The following CDIPT variants were observed in gnomAD, a reference collection of about 807,000 sequenced individuals.
CDIPT encodes CDP-diacylglycerol--inositol 3-phosphatidyltransferase, also known as PI synthase.
Under a neutral mutation model 21.6 loss-of-function variants are expected in CDIPT, and 17 were observed. The ratio of observed to expected loss-of-function variants is 0.79; its 90% CI spans 0.54 to 1.18. The LOEUF (loss-of-function observed/expected upper bound fraction) is 1.18. Among genes scored for constraint, CDIPT ranks in the 50% most tolerant of loss-of-function variants. The probability of loss-of-function intolerance (pLI) is 0.00; values close to 1 mark genes in which losing one functional copy is unlikely to be tolerated. For synonymous variants in CDIPT, 119 were observed against 117.9 expected, an observed-to-expected ratio of 1.01 and a Z score of -0.06; for missense variants, 254 against 284.9, an observed-to-expected ratio of 0.89 and a Z score of 0.78.
chr16:29,863,095 C>A lies in CDIPT; in HGVS notation c.-238G>T. ...TCCGCCCTTCCTACCCGCAACCTCCCTCGCCTCTGCCAGCCCCGCAGGCGC... is the reference window on the plus strand; with the variant it reads ...TCCGCCCTTCCTACCCGCAACCTCCATCGCCTCTGCCAGCCCCGCAGGCGC... On this transcript the variant is annotated 5_prime_UTR_variant, in exon 1 of 6. The change creates a new upstream start codon in the 5' untranslated region. Coordinates refer to ENST00000219789, the MANE Select transcript of CDIPT (RefSeq NM_006319.5). 1.8e-6 allele frequency: 1 copy of A among 542,502 alleles called. No individual in the cohort carries two copies. The highest frequency in any genetic ancestry group is 3.2e-6 in the Non-Finnish European group (1 of 309,314). The allele number at this position is 542,502 out of a possible 1,614,324, so 33.6% of individuals were successfully genotyped here. A position where few individuals can be genotyped will look rare whatever the true frequency, so the allele number is the denominator to read the frequency against.
At position 29,859,092 on chromosome 16, in the gene CDIPT, A is replaced by T; in HGVS notation, c.*97T>A. On this transcript the variant is annotated 3_prime_UTR_variant, in exon 6 of 6. Coordinates refer to ENST00000219789, the MANE Select transcript of CDIPT (RefSeq NM_006319.5). This position sits in a 1 kb window ranked among gnomAD's most constrained non-coding sequence, Gnocchi z 4.5. ...CAGCAGGTAGAACAACACATGAGGAAGGCGTGAGACTGGGACCTCCTAGCA... is the reference window on the plus strand; with the variant it reads ...CAGCAGGTAGAACAACACATGAGGATGGCGTGAGACTGGGACCTCCTAGCA... 7.7e-7 allele frequency: 1 copy of T among 1,295,962 alleles called. No individual in the cohort carries two copies. The highest frequency in any genetic ancestry group is 1.1e-6 in the Non-Finnish European group (1 of 939,996). 80.3% of individuals were successfully genotyped at this position (1,295,962 alleles called of 1,614,324 possible).
In CDIPT at chr16:29,862,990, T is replaced by G; in HGVS notation, c.-133A>C. On this transcript the variant is annotated 5_prime_UTR_variant, in exon 1 of 6. Coordinates refer to ENST00000219789, the MANE Select transcript of CDIPT (RefSeq NM_006319.5). The surrounding 1 kb of genome is among the most constrained non-coding windows in gnomAD (Gnocchi z 6.7). The stretch of plus-strand genomic sequence containing the variant: ...CGCCCTGGACCCCGCCGCCCCAACC[T>G]GGCCCCAGATGCTGAAGCCCGCAGC... 9.8e-7 allele frequency: 1 copy of G among 1,017,644 alleles called. No individual in the cohort carries two copies. The highest frequency in any genetic ancestry group is 1.5e-6 in the Non-Finnish European group (1 of 655,874). 63.0% of individuals were successfully genotyped at this position (1,017,644 alleles called of 1,614,324 possible). A position where few individuals can be genotyped will look rare whatever the true frequency, so the allele number is the denominator to read the frequency against.
At chr16:29,861,590 A>T in intron 2 of CDIPT, 1 of 1,224,536 alleles carries the variant, frequency 8.2e-7, no homozygotes, top group Non-Finnish European at 1.1e-6. Flanking sequence ...TGGAGAACAG[A>T]TTAAAAAATT....
At position 29,859,275 on chromosome 16, in the gene CDIPT, T is replaced by G; in HGVS notation, c.556A>C (p.Lys186Gln). 1.3e-6 allele frequency: 2 copies of G among 1,582,850 alleles called. No individual in the cohort carries two copies. The highest frequency in any genetic ancestry group is 1.7e-6 in the Non-Finnish European group (2 of 1,164,738). Residue 186 changes from lysine to glutamine, a missense_variant, in exon 6 of 6, where the codon AAG (lysine) becomes CAG (glutamine). By Grantham distance (53) the Lys-to-Gln change is moderately conservative. Transcript: ENST00000219789. This position sits in a 1 kb window ranked among gnomAD's most constrained non-coding sequence, Gnocchi z 4.5. ...AGGTGGATGACGCTGATGAGCGACT[T>G]CAGCAAGGCGATGGGGGCAGTGACC... ...LWVTAPIALLKSLISVIHLIT... is the reference protein window; with the variant it reads ...LWVTAPIALLQSLISVIHLIT...
chr16:29,862,464 T>A lies in CDIPT; in HGVS notation c.178+122A>T, dbSNP rs918523678. ...ACACAAAACAAAAAGCCCCAGGCCA[T>A]CCTGTTCTGCTTTTTCCAGAGATGG... is the stretch of plus-strand genomic sequence containing the variant. On this transcript the variant is annotated intron_variant, in intron 2 of 5. Coordinates refer to ENST00000219789, the MANE Select transcript of CDIPT (RefSeq NM_006319.5). This position sits in a 1 kb window ranked among gnomAD's most constrained non-coding sequence, Gnocchi z 6.7. 4 of 1,039,614 alleles carry A rather than the reference T, an allele frequency of 3.8e-6. No individual in the cohort carries two copies. The East Asian group carries it at 1.0e-4, about 27-fold the overall frequency. 64.4% of individuals were successfully genotyped at this position (1,039,614 alleles called of 1,614,324 possible). A position where few individuals can be genotyped will look rare whatever the true frequency, so the allele number is the denominator to read the frequency against.
In CDIPT at chr16:29,859,228, C is replaced by T. The variant is rs1291929357; in HGVS notation, c.603G>A (p.Met201Ile). Residue 201 changes from methionine to isoleucine, a missense_variant, in exon 6 of 6, where the codon ATG becomes ATA. Met to Ile is a conservative substitution (Grantham distance 10, BLOSUM62 1). Transcript: ENST00000219789. This position sits in a 1 kb window ranked among gnomAD's most constrained non-coding sequence, Gnocchi z 4.5. ...VIHLITAARN[M>I]AALDAADRAK... ...CGCGGTCTGCTGCGTCCAGGGCAGC[C>T]ATGTTGCGGGCGGCCGTGATCAGGT... is the stretch of plus-strand genomic sequence containing the variant. 3 of 1,597,378 alleles carry T rather than the reference C, an allele frequency of 1.9e-6. No individual in the cohort carries two copies. Among genetic ancestry groups the T allele is most frequent in the Non-Finnish European group, 2.6e-6 (3 of 1,172,918 alleles).
Position 29,859,610 on chromosome 16 carries a change from G to C in CDIPT, c.415-87C>G, listed in dbSNP as rs1453928483. The C allele has an allele frequency of 1.2e-6, 1 of 816,040 alleles. No homozygotes were observed. Among genetic ancestry groups the C allele is most frequent in the Non-Finnish European group, 2.1e-6 (1 of 483,108 alleles). The allele number at this position is 816,040 out of a possible 1,614,324, so 50.5% of individuals were successfully genotyped here. On this transcript the variant is annotated intron_variant, in intron 4 of 5. Transcript: ENST00000219789. The surrounding 1 kb of genome is among the most constrained non-coding windows in gnomAD (Gnocchi z 4.5). ...CCAGCACTAATGAAGGCACAATCTC[G>C]GCATATTACTTCTCTTATTTTTTTT...
chr16:29,861,836 C>A (rs1041250396), intron 2 of CDIPT: 13 of 277,856 alleles, frequency 4.7e-5, no homozygotes, highest in Non-Finnish European at 7.7e-5. Flanking sequence ...CGGGTTCAAG[C>A]AATTCTCCTG....
rs776673715 is a variant in CDIPT at position 29,862,645 on chromosome 16, T to C, written c.119A>G (p.Tyr40Cys). The change falls in exon 2 of 6, where the codon TAC becomes TGC. Residue 40 changes from tyrosine to cysteine, a missense_variant. Coordinates refer to ENST00000219789, the MANE Select transcript of CDIPT (RefSeq NM_006319.5). The surrounding 1 kb of genome is among the most constrained non-coding windows in gnomAD (Gnocchi z 6.7). The stretch of plus-strand genomic sequence containing the variant: ...AGCGTCCAGCAGGCCGCTGAGCAGG[T>C]AGAAGGAGGAGGCCGTGAGGGGGCA... ...PCCPLTASSF[Y>C]LLSGLLDAFD... 8 of 1,610,988 alleles carry C rather than the reference T, an allele frequency of 5.0e-6. No homozygotes were observed. Among genetic ancestry groups the C allele is most frequent in the Admixed American group, 1.7e-5 (1 of 59,232 alleles).
chr16:29,861,610 TC>T, intron 2 of CDIPT: 1 of 991,126 alleles, frequency 1.0e-6, no homozygotes, highest in Non-Finnish European at 1.5e-6. Flanking sequence ...TAGTCAACCC[TC>T]CAGAAGCCAT....
At position 29,862,924 on chromosome 16, in the gene CDIPT, C is replaced by T. The variant is rs1282640325; in HGVS notation, c.-67G>A. 1.0e-5 allele frequency: 16 copies of T among 1,578,514 alleles called. No homozygotes were observed. Among genetic ancestry groups the T allele is most frequent in the Admixed American group, 3.3e-5 (2 of 59,720 alleles). ...CCAGTGCTGTCCCAGCCCCGCAGCG[C>T]GGCCTCAGCCTCCGGCCCGGCGCAT... On this transcript the variant is annotated 5_prime_UTR_variant, in exon 1 of 6. Transcript: ENST00000219789. The surrounding 1 kb of genome is among the most constrained non-coding windows in gnomAD (Gnocchi z 6.7).
intron 2 of CDIPT, chr16:29,861,514 C>A (rs1435074087): frequency 2.6e-6 from 4 of 1,533,840 alleles, no homozygotes; most frequent in African/African-American, 1.4e-5. Flanking sequence ...ACTCATCAAC[C>A]CCAGAACCAA....
Position 29,858,694 on chromosome 16 carries a change from G to C in CDIPT, c.*495C>G, listed in dbSNP as rs1473704023. 1 of 156,740 alleles carries C rather than the reference G, an allele frequency of 6.4e-6. No homozygotes were observed. The highest frequency in any genetic ancestry group is 2.4e-5 in the African/African-American group (1 of 41,472). 9.7% of individuals were successfully genotyped at this position (156,740 alleles called of 1,614,324 possible). Reference sequence around the variant, plus strand: ...CCCAGGCCCTGAGCCAAGAATATCTGAAAGGAAACCAAGTCAAATAGTGAA... The same window carrying C: ...CCCAGGCCCTGAGCCAAGAATATCTCAAAGGAAACCAAGTCAAATAGTGAA... On this transcript the variant is annotated 3_prime_UTR_variant, in exon 6 of 6. Coordinates refer to ENST00000219789, the MANE Select transcript of CDIPT (RefSeq NM_006319.5).
rs1360656185 is a variant in CDIPT, at chr16:29,861,495, A to G, written c.179-236T>C. The G allele has an allele frequency of 2.0e-6, 3 of 1,535,516 alleles. No homozygotes were observed. In the African/African-American group the frequency reaches 4.1e-5, roughly 21 times the overall value. On this transcript the variant is annotated intron_variant, in intron 2 of 5. Coordinates refer to ENST00000219789, the MANE Select transcript of CDIPT (RefSeq NM_006319.5). ...AACAGGGTAGGAGGAGAGGAAAGCT[A>G]TGTCTGCAACTCATCAACCCCAGAA...
At position 29,859,876 on chromosome 16, in the gene CDIPT, G is replaced by A. The variant is rs553176129; in HGVS notation, c.415-353C>T. On this transcript the variant is annotated intron_variant, in intron 4 of 5. Coordinates refer to ENST00000219789, the MANE Select transcript of CDIPT (RefSeq NM_006319.5). This position sits in a 1 kb window ranked among gnomAD's most constrained non-coding sequence, Gnocchi z 4.5. ...AAAAATTAGCCGAGTGTGGTGGCAC[G>A]TGCCGGTAGTCCCAGCCACTCAGGA... Among the ~76,000 whole-genome samples the A allele has an allele frequency of 1.5e-4, 23 of 151,996 alleles. No homozygotes were observed. Among genetic ancestry groups the A allele is most frequent in the Non-Finnish European group, 2.6e-4 (18 of 68,022 alleles).
In CDIPT at chr16:29,863,063, C is replaced by T. The variant is rs1267736694; in HGVS notation, c.-206G>A. Reference sequence around the variant, plus strand: ...CGAGGTGCGCGGGACGCAGGGGGCGCGCGCAGTCCGCCCTTCCTACCCGCA... The same window carrying T: ...CGAGGTGCGCGGGACGCAGGGGGCGTGCGCAGTCCGCCCTTCCTACCCGCA... On this transcript the variant is annotated 5_prime_UTR_variant, in exon 1 of 6. Coordinates refer to ENST00000219789, the MANE Select transcript of CDIPT (RefSeq NM_006319.5). The T allele has an allele frequency of 1.6e-6, 1 of 618,566 alleles. No homozygotes were observed. Among genetic ancestry groups the T allele is most frequent in the Non-Finnish European group, 2.8e-6 (1 of 355,402 alleles). 38.3% of individuals were successfully genotyped at this position (618,566 alleles called of 1,614,324 possible). A position where few individuals can be genotyped will look rare whatever the true frequency, so the allele number is the denominator to read the frequency against.
rs1033642962 is a variant in CDIPT, at chr16:29,862,538, G to A, written c.178+48C>T. The A allele has an allele frequency of 1.9e-6, 3 of 1,545,116 alleles. No homozygotes were observed. Among genetic ancestry groups the A allele is most frequent in the Non-Finnish European group, 2.6e-6 (3 of 1,141,938 alleles). On this transcript the variant is annotated intron_variant, in intron 2 of 5. Transcript: ENST00000219789. The surrounding 1 kb of genome is among the most constrained non-coding windows in gnomAD (Gnocchi z 6.7). ...GGTCCCGAGGAGGCAGGGGAAGGGA[G>A]GAGGGGATTGTTGAACCCCAAGGCT... is the stretch of plus-strand genomic sequence containing the variant.
In CDIPT at chr16:29,862,729, G is replaced by A. The variant is rs950523201; in HGVS notation, c.44-9C>T. On this transcript the variant is annotated splice_polypyrimidine_tract_variant and intron_variant, in intron 1 of 5. Transcript: ENST00000219789. This position sits in a 1 kb window ranked among gnomAD's most constrained non-coding sequence, Gnocchi z 6.7. ...GACAATCCGGGCATAACCTTGGAAC[G>A]GGACGCGGGGAGACAGGGCAGGATC... The A allele has an allele frequency of 9.9e-6, 16 of 1,613,814 alleles. No homozygotes were observed. The highest frequency in any genetic ancestry group is 1.4e-5 in the Non-Finnish European group (16 of 1,179,770).
Position 29,859,179 on chromosome 16 carries a change from G to T in CDIPT, c.*10C>A. 1 of 1,590,456 alleles carries T rather than the reference G, an allele frequency of 6.3e-7. No homozygotes were observed. ...GGGCAGGTGGGCAGCCAGGACCCGG[G>T]GCTCCAGCGTCACTTCTTCTTGGCG... is the stretch of plus-strand genomic sequence containing the variant. On this transcript the variant is annotated 3_prime_UTR_variant, in exon 6 of 6. Coordinates refer to ENST00000219789, the MANE Select transcript of CDIPT (RefSeq NM_006319.5). The surrounding 1 kb of genome is among the most constrained non-coding windows in gnomAD (Gnocchi z 4.5).
Sources: allele counts gnomAD v4.1 joint callset (sites outside exome capture counted in the v4.1 genomes callset), GRCh38; gene constraint gnomAD v4.1.1; non-coding constraint Gnocchi (gnomAD v3.1); transcripts MANE v1.5; gene names NCBI Gene and HGNC (gene_info 2026-07-23, HGNC 2026-07-21).